PCED1B: variants seen among roughly 807,000 people sequenced by gnomAD.
PCED1B encodes the protein PC-esterase domain containing 1B, also known as PC-esterase domain-containing protein 1B.
For synonymous variants in PCED1B, 251 were observed against 246.1 expected (o/e 1.02, Z -0.19); for missense variants, 573 against 573.9 (o/e 1.00, Z 0.02).
intron 2 of PCED1B, among the ~76,000 whole-genome samples, chr12:47,130,154 T>C (rs1940063326): frequency 1.3e-5 from 2 of 152,206 alleles, no homozygotes; most frequent in Non-Finnish European, 2.9e-5. Context: ...AAACTTTTGT[T>C]TGGCTAATTT....
chr12:47,183,988 T>C (rs1036816844), intron 2 of PCED1B, among the ~76,000 whole-genome samples: 2 of 152,172 alleles, frequency 1.3e-5, no homozygotes, highest in Non-Finnish European at 2.9e-5. Context: ...TTGAGGAAAA[T>C]AGACCATTAG....
chr12:47,153,833 G>T (rs75095212), intron 2 of PCED1B, among the ~76,000 whole-genome samples: 1,760 of 152,210 alleles, frequency 0.012, 12 homozygotes, highest in Non-Finnish European at 0.019. Context: ...TCCATGAACT[G>T]ACCTTTTCAT....
intron 1 of PCED1B, among the ~76,000 whole-genome samples, chr12:47,096,201 G>A (rs780047744): frequency 6.6e-6 from 1 of 151,940 alleles, no homozygotes; most frequent in African/African-American, 2.4e-5. Context: ...ATATCCCATA[G>A]TTAATCATAC....
chr12:47,121,711 T>A (rs1310877792), intron 2 of PCED1B, among the ~76,000 whole-genome samples: 1 of 152,132 alleles, frequency 6.6e-6, no homozygotes, highest in Non-Finnish European at 1.5e-5. Context: ...TAAGCTTCTT[T>A]CCTGTCTCTG....
intron 2 of PCED1B, among the ~76,000 whole-genome samples, chr12:47,126,927 T>C (rs1468392827): frequency 2.0e-5 from 3 of 152,182 alleles, no homozygotes; most frequent in Non-Finnish European, 2.9e-5. Flanking sequence ...GTTTATTCAA[T>C]GTAGTTGATT....
chr12:47,198,008 AATAGAAGTG>A (rs1443137846), intron 2 of PCED1B, among the ~76,000 whole-genome samples: 10 of 152,258 alleles, frequency 6.6e-5, no homozygotes, highest in Non-Finnish European at 1.5e-4. Flanking sequence ...TCTTCCAGAA[AATAGAAGTG>A]AAGGAAACAT....
intron 2 of PCED1B, among the ~76,000 whole-genome samples, chr12:47,149,467 C>CT (rs1940910858): frequency 6.6e-6 from 1 of 152,182 alleles, no homozygotes; most frequent in African/African-American, 2.4e-5. Flanking sequence ...AGATAACTGT[C>CT]TTTTTCAGAC....
intron 1 of PCED1B, among the ~76,000 whole-genome samples, chr12:47,103,117 A>G (rs921641660): frequency 2.0e-5 from 3 of 152,232 alleles, no homozygotes; most frequent in African/African-American, 7.2e-5. Flanking sequence ...AAAAAAAATC[A>G]AAGCACTAAG....
intron 2 of PCED1B, among the ~76,000 whole-genome samples, chr12:47,175,499 G>A (rs145222876): frequency 1.6e-4 from 24 of 152,136 alleles, no homozygotes; most frequent in African/African-American, 5.8e-4. Context: ...GAAATTTCTA[G>A]TATACAGAAA....
chr12:47,205,802 C>T (rs1235813224), intron 2 of PCED1B: 1 of 152,104 alleles, frequency 6.6e-6, no homozygotes, highest in African/African-American at 2.4e-5. Context: ...CATGTAACCG[C>T]CTAAGGGGTT....
intron 1 of PCED1B, among the ~76,000 whole-genome samples, chr12:47,101,988 T>C (rs1938728142): frequency 6.6e-6 from 1 of 152,174 alleles, no homozygotes; most frequent in Admixed American, 6.5e-5. Flanking sequence ...TATTATGCAT[T>C]ATTTCTAAGA....
At chr12:47,177,136 C>G (rs1048203029) in intron 2 of PCED1B, among the ~76,000 whole-genome samples, 1 of 152,144 alleles carries the variant, frequency 6.6e-6, no homozygotes, top group Admixed American at 6.5e-5. Context: ...TTCATCCTGG[C>G]TCTGGAGGAC....
chr12:47,202,769 C>G (rs1448519259), intron 2 of PCED1B, among the ~76,000 whole-genome samples: 1 of 151,668 alleles, frequency 6.6e-6, no homozygotes, highest in African/African-American at 2.4e-5. Context: ...GGAATTTTAG[C>G]AAGTTAAAGC....
At chr12:47,115,668 C>T (rs1317207213) in intron 2 of PCED1B, among the ~76,000 whole-genome samples, 3 of 152,112 alleles carry the variant, frequency 2.0e-5, no homozygotes, top group Non-Finnish European at 4.4e-5. Flanking sequence ...GTCTCCTTAT[C>T]TTAGAGATTA....
chr12:47,211,156 A>G (rs1243152301), intron 2 of PCED1B, among the ~76,000 whole-genome samples: 2 of 152,176 alleles, frequency 1.3e-5, no homozygotes, highest in African/African-American at 4.8e-5. Flanking sequence ...ATTGAATTCT[A>G]GTTATCTGCT....
chr12:47,133,559 A>T, intron 2 of PCED1B, among the ~76,000 whole-genome samples: 1 of 152,184 alleles, frequency 6.6e-6, no homozygotes, highest in Non-Finnish European at 1.5e-5. Context: ...TGATAATCTC[A>T]TACTCACTGA....
At chr12:47,081,860 AAAATGGAAAC>A (rs1937742141) in intron 1 of PCED1B, among the ~76,000 whole-genome samples, 1 of 152,232 alleles carries the variant, frequency 6.6e-6, no homozygotes, top group Non-Finnish European at 1.5e-5. Context: ...GTGATTCAAA[AAAATGGAAAC>A]AGGAAGGTTA....
intron 2 of PCED1B, among the ~76,000 whole-genome samples, chr12:47,169,785 T>C (rs114621453): frequency 0.022 from 3,353 of 151,442 alleles, 95 homozygotes; most frequent in African/African-American, 0.064. Context: ...AGCCCAGGAG[T>C]TCAAGGCTGC....
intron 2 of PCED1B, among the ~76,000 whole-genome samples, chr12:47,144,521 C>T (rs1434167546): frequency 6.6e-6 from 1 of 152,076 alleles, no homozygotes; most frequent in Non-Finnish European, 1.5e-5. Flanking sequence ...TTTTTCCATT[C>T]TGCTTCTCCT....
Sources: allele counts gnomAD v4.1 joint callset (sites outside exome capture counted in the v4.1 genomes callset), GRCh38; gene constraint gnomAD v4.1.1; transcripts MANE v1.5; gene names NCBI Gene and HGNC (gene_info 2026-07-23, HGNC 2026-07-21).